The following ASTN2 variants were observed in gnomAD, a reference collection of about 807,000 sequenced individuals.
The protein encoded by ASTN2 is astrotactin-2.
ASTN2 carries 54 observed loss-of-function variants against 139.8 expected under a neutral mutation model. The observed-to-expected ratio is 0.39, with a 90% confidence interval of 0.31 to 0.48. The LOEUF is 0.48. Among genes scored for constraint, ASTN2 ranks in the 20% least tolerant of loss-of-function variants. The pLI, the probability that ASTN2 is intolerant of heterozygous loss-of-function variation, is 0.95. For synonymous variants in ASTN2, 756 were observed against 719.5 expected, an observed-to-expected ratio of 1.05 and a Z score of -0.81; for missense variants, 1,565 against 1,725.1, an observed-to-expected ratio of 0.91 and a Z score of 1.64.
intron 17 of ASTN2, among the ~76,000 whole-genome samples, chr9:116,626,371 C>A (rs1856462777): frequency 6.7e-6 from 1 of 150,224 alleles, no homozygotes; most frequent in African/African-American, 2.4e-5. Flanking sequence ...AAATAGGGCC[C>A]CAAAAATATG....
At chr9:117,395,343 G>C (rs1045834188) in intron 1 of ASTN2, among the ~76,000 whole-genome samples, 3 of 152,114 alleles carry the variant, frequency 2.0e-5, no homozygotes, top group Non-Finnish European at 2.9e-5. Flanking sequence ...GGGAGAAGAG[G>C]TCTTTAAAAA....
At chr9:117,064,084 C>T (rs914000472) in intron 5 of ASTN2, among the ~76,000 whole-genome samples, 2 of 151,866 alleles carry the variant, frequency 1.3e-5, no homozygotes, top group Non-Finnish European at 2.9e-5. Flanking sequence ...ATGTTCTGGC[C>T]GAGACTTGTT....
At chr9:117,083,608 G>C (rs1160932218) in intron 5 of ASTN2, among the ~76,000 whole-genome samples, 2 of 152,184 alleles carry the variant, frequency 1.3e-5, no homozygotes, top group African/African-American at 4.8e-5. Flanking sequence ...GAAAGGGGAT[G>C]ACAGAGTATT....
intron 3 of ASTN2, among the ~76,000 whole-genome samples, chr9:117,193,318 A>G (rs922897272): frequency 2.0e-5 from 3 of 152,088 alleles, no homozygotes; most frequent in African/African-American, 7.2e-5. Flanking sequence ...AGTTTGGTAT[A>G]AGGATGTCAA....
intron 2 of ASTN2, among the ~76,000 whole-genome samples, chr9:117,256,254 T>C (rs1833683186): frequency 6.6e-6 from 1 of 152,112 alleles, no homozygotes; most frequent in African/African-American, 2.4e-5. Flanking sequence ...CCTGCTCCTC[T>C]TTTGTTCAGA....
At chr9:116,739,672 A>T (rs999048586) in intron 13 of ASTN2, among the ~76,000 whole-genome samples, 3 of 152,152 alleles carry the variant, frequency 2.0e-5, no homozygotes, top group Non-Finnish European at 4.4e-5. Context: ...CTCATGGAAG[A>T]CCTTGTTGGA....
intron 19 of ASTN2, among the ~76,000 whole-genome samples, chr9:116,595,143 T>C (rs1225736595): frequency 6.6e-6 from 1 of 152,224 alleles, no homozygotes; most frequent in Non-Finnish European, 1.5e-5. Flanking sequence ...GAAATGAAGA[T>C]AATACTAACT....
At chr9:117,012,904 C>T (rs1837573927) in intron 6 of ASTN2, among the ~76,000 whole-genome samples, 2 of 152,188 alleles carry the variant, frequency 1.3e-5, no homozygotes, top group Admixed American at 1.3e-4. Flanking sequence ...TGCGCCAAGC[C>T]CTGCAGCAGG....
chr9:116,621,815 T>C (rs1336339622), intron 17 of ASTN2, among the ~76,000 whole-genome samples: 1 of 152,232 alleles, frequency 6.6e-6, no homozygotes, highest in Non-Finnish European at 1.5e-5. Context: ...GGCACTTTTT[T>C]CAGTTTAGCA....
At chr9:116,429,360 A>AAG (rs57088669) in intron 22 of ASTN2, among the ~76,000 whole-genome samples, 1 of 148,746 alleles carries the variant, frequency 6.7e-6, no homozygotes, top group Admixed American at 6.8e-5. Context: ...AAAAAAAAAA[A>AAG]GTAACCAAGT....
At chr9:116,539,181 T>C (rs1013950819) in intron 19 of ASTN2, among the ~76,000 whole-genome samples, 13 of 151,774 alleles carry the variant, frequency 8.6e-5, no homozygotes, top group African/African-American at 2.7e-4. Context: ...TTGCATAGGG[T>C]TGAGGAAATA....
chr9:116,539,527 A>T (rs1851791995), intron 19 of ASTN2, among the ~76,000 whole-genome samples: 2 of 152,208 alleles, frequency 1.3e-5, no homozygotes, highest in Non-Finnish European at 2.9e-5. Flanking sequence ...ACATTTGAAC[A>T]CTTATTTTGT....
intron 11 of ASTN2, among the ~76,000 whole-genome samples, chr9:116,830,896 C>T (rs181990453): frequency 6.6e-5 from 10 of 151,176 alleles, no homozygotes; most frequent in African/African-American, 7.3e-5. Flanking sequence ...AGCAAAAATA[C>T]GGAATTAACC....
intron 13 of ASTN2, among the ~76,000 whole-genome samples, chr9:116,740,167 G>A (rs1486392196): frequency 6.6e-6 from 1 of 152,226 alleles, no homozygotes; most frequent in African/African-American, 2.4e-5. Flanking sequence ...AGAGGTAGTG[G>A]TGTGGGCACA....
chr9:116,800,870 C>T (rs1391636242), intron 13 of ASTN2, among the ~76,000 whole-genome samples: 4 of 152,138 alleles, frequency 2.6e-5, no homozygotes, highest in Admixed American at 6.5e-5. Context: ...CATTTTTAAG[C>T]GCTTTGTAAA....
At chr9:116,750,558 CTT>C (rs398011985) in intron 13 of ASTN2, among the ~76,000 whole-genome samples, 2 of 151,968 alleles carry the variant, frequency 1.3e-5, no homozygotes, top group African/African-American at 2.4e-5. Context: ...CTCTCTCTCT[CTT>C]TCTTCTCTTT....
intron 13 of ASTN2, among the ~76,000 whole-genome samples, chr9:116,775,526 A>G: frequency 1.1e-5 from 1 of 93,934 alleles, no homozygotes; most frequent in Non-Finnish European, 2.1e-5. Flanking sequence ...AGGAAGGAAA[A>G]GAAAGGGGGC....
intron 5 of ASTN2, among the ~76,000 whole-genome samples, chr9:117,074,962 T>C (rs13292073): frequency 6.6e-6 from 1 of 152,168 alleles, no homozygotes; most frequent in African/African-American, 2.4e-5. Flanking sequence ...TCTGTAAATT[T>C]CCAGAGGCAA....
At chr9:116,646,659 T>A (rs1294600283) in intron 17 of ASTN2, among the ~76,000 whole-genome samples, 2 of 152,168 alleles carry the variant, frequency 1.3e-5, no homozygotes, top group South Asian at 4.1e-4. Flanking sequence ...CATGACACTT[T>A]AAACAGGCCT....
Sources: allele counts gnomAD v4.1 joint callset (sites outside exome capture counted in the v4.1 genomes callset), GRCh38; gene constraint gnomAD v4.1.1; transcripts MANE v1.5; gene names NCBI Gene and HGNC (gene_info 2026-07-23, HGNC 2026-07-21).